The following KRT35 variants were observed in gnomAD, a reference collection of about 807,000 sequenced individuals.
KRT35 encodes keratin, type I cuticular Ha5.
A neutral mutation model predicts 42.2 loss-of-function variants in KRT35; 33 were observed. The observed-to-expected ratio is 0.78, with a 90% CI of 0.59 to 1.05. The LOEUF (loss-of-function observed/expected upper bound fraction) is 1.05, where lower values mean the gene tolerates loss of function less well. Ranked by LOEUF, KRT35 falls within the 50% of genes least tolerant of loss-of-function variation. The pLI, the probability that KRT35 is intolerant of heterozygous loss-of-function variation, is 0.00. For missense variants in KRT35, 585 were observed against 589.2 expected (o/e 0.99, Z 0.07); for synonymous variants, 218 against 238.2 (o/e 0.92, Z 0.78).
chr17:41,480,609 C>G lies in KRT35; in HGVS notation c.471+18G>C, dbSNP rs761288172. On this transcript the variant is annotated intron_variant, in intron 1 of 6. Coordinates refer to ENST00000246639, the MANE Select transcript of KRT35 (RefSeq NM_002280.6). ...ACACAAAGTTCCTGGGAATCCAAAGCCACTCTGAACCTCTTACCTTCTTCT... is the reference window on the plus strand; with the variant it reads ...ACACAAAGTTCCTGGGAATCCAAAGGCACTCTGAACCTCTTACCTTCTTCT... 1 of 1,591,828 alleles carries G rather than the reference C, an allele frequency of 6.3e-7. No individual in the cohort carries two copies. Among genetic ancestry groups the G allele is most frequent in the East Asian group, 2.2e-5 (1 of 44,648 alleles).
intron 5 of KRT35, among the ~76,000 whole-genome samples, chr17:41,477,990 A>C (rs1413338570): frequency 2.0e-5 from 3 of 152,254 alleles, no homozygotes; most frequent in Non-Finnish European, 4.4e-5. Flanking sequence ...AGTTTGAGCT[A>C]GGATGAACCA....
intron 4 of KRT35, 71 bp downstream of exon 4, chr17:41,478,763 C>A (rs1016701052): frequency 1.4e-6 from 2 of 1,456,472 alleles, no homozygotes; most frequent in African/African-American, 2.8e-5. Flanking sequence ...TTTCTTGATT[C>A]AGAGCCCCAG....
chr17:41,479,910 A>T (rs2019231278), intron 1 of KRT35, 129 bp from the exon 2 acceptor site: 3 of 713,512 alleles, frequency 4.2e-6, no homozygotes, highest in Non-Finnish European at 7.3e-6. Flanking sequence ...CTCCATGTGC[A>T]TTGGAGTGTT....
At chr17:41,478,069 C>T (rs1597748896) in intron 5 of KRT35, among the ~76,000 whole-genome samples, 1 of 152,198 alleles carries the variant, frequency 6.6e-6, no homozygotes, top group African/African-American at 2.4e-5. Context: ...AAGTATCTCC[C>T]TGTTAGTGTC....
chr17:41,479,414 G>C lies in KRT35; in HGVS notation c.644C>G (p.Ser215Cys). 6.2e-7 allele frequency: 1 copy of C among 1,614,160 alleles called. No individual in the cohort carries two copies. Among genetic ancestry groups the C allele is most frequent in the Non-Finnish European group, 8.5e-7 (1 of 1,180,014 alleles). ...RILDDLTLCK[S>C]DLEAQVESLK... ...GGACTCCACCTGGGCCTCCAGGTCA[G>C]ACTTGCACAGGGTCAGGTCATCCAG... The change falls in exon 3 of 7, where the codon TCT becomes TGT. Residue 215 changes from serine (S) to cysteine (C), a missense_variant. Transcript: ENST00000246639.
Position 41,481,022 on chromosome 17 carries a change from TG to T in KRT35, c.75del (p.Thr26LeufsTer79). 6.2e-7 allele frequency: 1 copy of T among 1,613,896 alleles called. No homozygotes were observed. The highest frequency in any genetic ancestry group is 1.1e-5 in the South Asian group (1 of 91,084). ...LKSPGGASGGSTRVSAMYSSS... is the reference protein window; with the variant it reads ...LKSPGGASGGXTRVSAMYSSS... ...CTGGAGTACATTGCGGACACACGAG[TG>T]GAGCCCCCACTGGCCCCTCCTGGGC... On this transcript the variant is annotated frameshift_variant, in exon 1 of 7. Transcript: ENST00000246639. LOFTEE classifies it high-confidence loss of function.
At position 41,477,731 on chromosome 17, in the gene KRT35, G is replaced by T. The variant is rs749063443; in HGVS notation, c.1007C>A (p.Ala336Asp). 4 of 1,613,770 alleles carry T rather than the reference G, an allele frequency of 2.5e-6. No homozygotes were observed. The highest frequency in any genetic ancestry group is 2.5e-6 in the Non-Finnish European group (3 of 1,179,766). Reference protein sequence around the residue: ...ELQAQHSMRDALESTLAETEA... With the variant: ...ELQAQHSMRDDLESTLAETEA... Reference sequence around the variant, plus strand: ...CGTCTCTGCCAGGGTGGATTCCAAAGCATCTCTCTGTGAGGGCAAGAGTTG... The same window carrying T: ...CGTCTCTGCCAGGGTGGATTCCAAATCATCTCTCTGTGAGGGCAAGAGTTG... The change falls in exon 6 of 7, where the codon GCT becomes GAT. Residue 336 changes from alanine to aspartate, a missense_variant. Physicochemically the swap from Ala to Asp is moderately radical, Grantham distance 126. Coordinates refer to ENST00000246639, the MANE Select transcript of KRT35 (RefSeq NM_002280.6).
chr17:41,478,242 C>T, intron 5 of KRT35, 119 bp downstream of exon 5: 1 of 1,097,496 alleles, frequency 9.1e-7, no homozygotes, highest in Non-Finnish European at 1.3e-6. Flanking sequence ...TAGAGAACCC[C>T]TGGTGCTCAA....
In KRT35 at chr17:41,478,915, T is replaced by A. The variant is rs1409523145; in HGVS notation, c.792A>T (p.Arg264=). The part of the protein sequence containing the change: ...VDAAPPVDLN[R]VLEEMRCQYE... The stretch of plus-strand genomic sequence containing the variant: ...ACTGGCACCTCATCTCCTCCAGAAC[T>A]CGGTTCAGGTCAACAGGTGGGGCAG... Residue 264 remains arginine, a synonymous_variant, in exon 4 of 7, where the codon CGA becomes CGT. Transcript: ENST00000246639. The A allele has an allele frequency of 1.2e-6, 2 of 1,613,850 alleles. No homozygotes were observed. The highest frequency in any genetic ancestry group is 1.7e-6 in the Non-Finnish European group (2 of 1,179,968).
In KRT35 at chr17:41,476,967, G is replaced by C. The variant is rs2019178974; in HGVS notation, c.*89C>G. The C allele has an allele frequency of 1.6e-6, 2 of 1,288,768 alleles. No individual in the cohort carries two copies. 79.8% of individuals were successfully genotyped at this position (1,288,768 alleles called of 1,614,324 possible). A position where few individuals can be genotyped will look rare whatever the true frequency, so the allele number is the denominator to read the frequency against. On this transcript the variant is annotated 3_prime_UTR_variant, in exon 7 of 7. Coordinates refer to ENST00000246639, the MANE Select transcript of KRT35 (RefSeq NM_002280.6). ...CCTGGGCCTGGGCTCTGCGCGAAGA[G>C]AGGGGATTGGGCTACAAGGGTTAAG...
At position 41,481,083 on chromosome 17, in the gene KRT35, G is replaced by C; in HGVS notation, c.15C>G (p.Cys5Trp). MASK[C>W]LKAGFSSGSL... ...ACCCAGAAGAGAAGCCGGCCTTGAG[G>C]CATTTGGAAGCCATGGCCCCTGCAA... The change falls in exon 1 of 7, where the codon TGC (cysteine) becomes TGG (tryptophan). Residue 5 changes from cysteine (C) to tryptophan (W), a missense_variant. By Grantham distance (215) the Cys-to-Trp change is radical. Transcript: ENST00000246639. 2 of 1,607,730 alleles carry C rather than the reference G, an allele frequency of 1.2e-6. No homozygotes were observed. The highest frequency in any genetic ancestry group is 1.7e-6 in the Non-Finnish European group (2 of 1,177,468).
chr17:41,477,250 CA>C (rs2019185270), intron 6 of KRT35, 47 bp from the exon 7 acceptor site: 2 of 1,603,602 alleles, frequency 1.2e-6, no homozygotes, highest in African/African-American at 2.7e-5. Context: ...TTGCTGTTTG[CA>C]GTAACTCAAA....
At chr17:41,478,736 T>C in intron 4 of KRT35, 98 bp downstream of exon 4, 1 of 1,299,056 alleles carries the variant, frequency 7.7e-7, no homozygotes. Context: ...AAAACAGAGA[T>C]GGGACTCAAA....
intron 5 of KRT35, 24 bp from the exon 6 acceptor site, chr17:41,477,762 G>A: frequency 1.2e-6 from 2 of 1,603,422 alleles, no homozygotes; most frequent in Non-Finnish European, 1.7e-6. Context: ...AGTTGTGTAG[G>A]GAGGAAAAAG....
chr17:41,476,992 G>A lies in KRT35; in HGVS notation c.*64C>T. On this transcript the variant is annotated 3_prime_UTR_variant, in exon 7 of 7. Coordinates refer to ENST00000246639, the MANE Select transcript of KRT35 (RefSeq NM_002280.6). ...GAGGGGATTGGGCTACAAGGGTTAA[G>A]TTTGGGTAGAGGCCAAGTTCAAGCC... is the stretch of plus-strand genomic sequence containing the variant. The A allele has an allele frequency of 6.8e-7, 1 of 1,471,896 alleles. No individual in the cohort carries two copies. The highest frequency in any genetic ancestry group is 9.1e-7 in the Non-Finnish European group (1 of 1,098,480). The allele number at this position is 1,471,896 out of a possible 1,614,324, so 91.2% of individuals were successfully genotyped here. A position where few individuals can be genotyped will look rare whatever the true frequency, so the allele number is the denominator to read the frequency against.
Position 41,479,033 on chromosome 17 carries a change from G to T in KRT35, c.712-38C>A, listed in dbSNP as rs751716112. ...CCAGGATGAGTACTAATTCCCAGAG[G>T]GCTGCCTCCAAGGTTCACCTCCTCC... On this transcript the variant is annotated intron_variant, in intron 3 of 6. Coordinates refer to ENST00000246639, the MANE Select transcript of KRT35 (RefSeq NM_002280.6). 14 of 1,577,156 alleles carry T rather than the reference G, an allele frequency of 8.9e-6. No homozygotes were observed. The South Asian group carries it at 1.6e-4, about 18-fold the overall frequency.
At chr17:41,480,528 T>C in intron 1 of KRT35, 99 bp downstream of exon 1, 1 of 900,984 alleles carries the variant, frequency 1.1e-6, no homozygotes, top group East Asian at 2.5e-5. Flanking sequence ...GAGATGAACA[T>C]GCTTGGTGAC....
At chr17:41,479,018 T>C (rs2019218473) in intron 3 of KRT35, 23 bp from the exon 4 acceptor site, 1 of 1,592,792 alleles carries the variant, frequency 6.3e-7, no homozygotes, top group South Asian at 1.1e-5. Flanking sequence ...CCAGGATGAG[T>C]ACTAATTCCC....
chr17:41,478,323 T>G (rs779735403), intron 5 of KRT35, 38 bp downstream of exon 5: 1 of 1,603,344 alleles, frequency 6.2e-7, no homozygotes, highest in Non-Finnish European at 8.5e-7. Context: ...GCTCCTCGGC[T>G]TGGTCCAGAG....
Sources: allele counts gnomAD v4.1 joint callset (sites outside exome capture counted in the v4.1 genomes callset), GRCh38; gene constraint gnomAD v4.1.1; transcripts MANE v1.5; gene names NCBI Gene and HGNC (gene_info 2026-07-23, HGNC 2026-07-21).